The following PLEKHA1 variants were observed in gnomAD, a reference collection of about 807,000 sequenced individuals.
The protein encoded by PLEKHA1 is pleckstrin homology domain-containing family A member 1.
A neutral mutation model predicts 52.0 loss-of-function variants in PLEKHA1; 34 were observed. The ratio of observed to expected loss-of-function variants is 0.65; its 90% CI spans 0.50 to 0.87. The LOEUF is 0.87. Among genes scored for constraint, PLEKHA1 ranks in the 40% least tolerant of loss-of-function variants. The probability of loss-of-function intolerance (pLI) is 0.00; values close to 1 mark genes in which losing one functional copy is unlikely to be tolerated. For synonymous variants in PLEKHA1, 163 were observed against 170.7 expected (o/e 0.95, Z 0.35); for missense variants, 497 against 504.2 (o/e 0.99, Z 0.14).
intron 5 of PLEKHA1, chr10:122,411,946 A>G (rs995762352): frequency 2.6e-5 from 4 of 152,212 alleles, no homozygotes; most frequent in African/African-American, 9.6e-5. Flanking sequence ...GAGAAGACTA[A>G]ATCATGTTCA....
intron 4 of PLEKHA1, among the ~76,000 whole-genome samples, chr10:122,403,717 A>T (rs1285279842): frequency 6.6e-6 from 1 of 150,636 alleles, no homozygotes; most frequent in African/African-American, 2.4e-5. Flanking sequence ...TTCTTTTGAG[A>T]TGGAGCCTCA....
chr10:122,439,814 G>A, the PLEKHA1 span: 2 of 152,142 alleles, frequency 1.3e-5, no homozygotes, highest in Non-Finnish European at 2.9e-5. Flanking sequence ...TCTCAACCTG[G>A]TGCTCTTTTG....
chr10:122,410,212 G>A (rs1023758059), intron 5 of PLEKHA1, among the ~76,000 whole-genome samples: 2 of 152,102 alleles, frequency 1.3e-5, no homozygotes, highest in Non-Finnish European at 2.9e-5. Flanking sequence ...TTATTCTCTA[G>A]TTATTTTTAC....
At chr10:122,401,051 T>TA (rs2096920912) in intron 4 of PLEKHA1, among the ~76,000 whole-genome samples, 1 of 152,134 alleles carries the variant, frequency 6.6e-6, no homozygotes, top group Non-Finnish European at 1.5e-5. Flanking sequence ...AGGAGATGCT[T>TA]ACGTTGGTGG....
At chr10:122,397,524 TA>T (rs1486191754) in intron 2 of PLEKHA1, among the ~76,000 whole-genome samples, 2 of 152,120 alleles carry the variant, frequency 1.3e-5, no homozygotes, top group African/African-American at 2.4e-5. Flanking sequence ...GAAATTTTAA[TA>T]GAACAAAGTA....
At chr10:122,386,663 C>T (rs1025845726) in intron 1 of PLEKHA1, 43 of 152,106 alleles carry the variant, frequency 2.8e-4, no homozygotes, top group African/African-American at 1.0e-3. Flanking sequence ...CATAGACAGT[C>T]GATTATTCCA....
At chr10:122,383,313 G>GTTTTTTTTTTTCTTTTT (rs2096640908) in intron 1 of PLEKHA1, among the ~76,000 whole-genome samples, 1 of 128,390 alleles carries the variant, frequency 7.8e-6, no homozygotes, top group African/African-American at 2.9e-5. Flanking sequence ...CTTTCTTTCT[G>GTTTTTTTTTTTCTTTTT]TTTTTTTTTT....
chr10:122,420,718 C>T (rs2097248626), intron 8 of PLEKHA1: 1 of 152,196 alleles, frequency 6.6e-6, no homozygotes, highest in Non-Finnish European at 1.5e-5. Flanking sequence ...TTCCTTCCAT[C>T]AATCTGAAAT....
chr10:122,417,316 G>C (rs2097191075), intron 7 of PLEKHA1, among the ~76,000 whole-genome samples: 1 of 151,544 alleles, frequency 6.6e-6, no homozygotes, highest in African/African-American at 2.4e-5. Context: ...TAGGAGGAAG[G>C]GGAAGTGCTT....
intron 1 of PLEKHA1, among the ~76,000 whole-genome samples, chr10:122,391,869 T>G (rs2133978037): frequency 6.6e-6 from 1 of 152,318 alleles, no homozygotes; most frequent in South Asian, 2.1e-4. Context: ...TTTTGGTGTA[T>G]TTTATCATTT....
At position 122,412,763 on chromosome 10, in the gene PLEKHA1, T is replaced by A. The variant is rs2097125134; in HGVS notation, c.343-157T>A. 5.9e-6 allele frequency: 4 copies of A among 679,178 alleles called. No individual in the cohort carries two copies. The African/African-American group carries it at 7.2e-5, about 12-fold the overall frequency. The allele number at this position is 679,178 out of a possible 1,614,324, so 42.1% of individuals were successfully genotyped here. A position where few individuals can be genotyped will look rare whatever the true frequency, so the allele number is the denominator to read the frequency against. Reference sequence around the variant, plus strand: ...ATAAAATATTATTCTAACAGAAAAATTAGTGTGATAACTTAAGGAGTACAT... The same window carrying A: ...ATAAAATATTATTCTAACAGAAAAAATAGTGTGATAACTTAAGGAGTACAT... On this transcript the variant is annotated intron_variant, in intron 5 of 11. Transcript: ENST00000368990.
chr10:122,398,080 C>A, intron 3 of PLEKHA1, 106 bp downstream of exon 3: 1 of 844,808 alleles, frequency 1.2e-6, no homozygotes, highest in South Asian at 1.8e-5. Context: ...CAGTGATGTT[C>A]AGATTCCTAT....
At chr10:122,375,870 TAAG>T (rs2096527203) in intron 1 of PLEKHA1, among the ~76,000 whole-genome samples, 1 of 152,232 alleles carries the variant, frequency 6.6e-6, no homozygotes, top group African/African-American at 2.4e-5. Flanking sequence ...GTTGTTTTAA[TAAG>T]ATTTTCTTTG....
downstream of PLEKHA1, chr10:122,434,725 C>G (rs1373205516): frequency 1.7e-5 from 2 of 120,320 alleles, no homozygotes; most frequent in Non-Finnish European, 3.5e-5. Context: ...CCCCTCCCCC[C>G]ACCCCCCAAC....
rs527992237 is a variant in PLEKHA1, at chr10:122,385,847, G to C, written c.-20-7334G>C. On this transcript the variant is annotated intron_variant, in intron 1 of 11. Transcript: ENST00000368990. Reference sequence around the variant, plus strand: ...TTATTTTGCCAAGTAATATTTTATTGTATTGGATGCACCACATTTTGTTTA... The same window carrying C: ...TTATTTTGCCAAGTAATATTTTATTCTATTGGATGCACCACATTTTGTTTA... Among the ~76,000 whole-genome samples, 3 of 152,222 alleles carry C rather than the reference G, an allele frequency of 2.0e-5. No homozygotes were observed. The South Asian group carries it at 6.2e-4, about 32-fold the overall frequency.
chr10:122,428,433 A>G lies in PLEKHA1; in HGVS notation c.901-1191A>G, dbSNP rs1256565020. On this transcript the variant is annotated intron_variant, in intron 11 of 11. Transcript: ENST00000368990. Reference sequence around the variant, plus strand: ...CTGATCATAGAAAGTTGAGTTAACCAAACTGCCTTTTGCAGTTATCATAAC... The same window carrying G: ...CTGATCATAGAAAGTTGAGTTAACCGAACTGCCTTTTGCAGTTATCATAAC... The G allele has an allele frequency of 3.5e-6, 5 of 1,435,262 alleles. No individual in the cohort carries two copies. In the African/African-American group the frequency reaches 7.1e-5, roughly 20 times the overall value. The allele number at this position is 1,435,262 out of a possible 1,614,324, so 88.9% of individuals were successfully genotyped here. A position where few individuals can be genotyped will look rare whatever the true frequency, so the allele number is the denominator to read the frequency against.
chr10:122,397,710 A>G (rs546815689), intron 2 of PLEKHA1, among the ~76,000 whole-genome samples: 1 of 152,240 alleles, frequency 6.6e-6, no homozygotes, highest in South Asian at 2.1e-4. Flanking sequence ...ATGCATGATA[A>G]TGGAACAGAG....
At chr10:122,427,911 C>A (rs2097363491) in intron 11 of PLEKHA1, among the ~76,000 whole-genome samples, 1 of 152,094 alleles carries the variant, frequency 6.6e-6, no homozygotes, top group Admixed American at 6.5e-5. Context: ...ATAATACCGC[C>A]TTTTATTAGT....
downstream of PLEKHA1, chr10:122,433,435 T>G (rs898402742): frequency 2.6e-5 from 4 of 152,260 alleles, no homozygotes; most frequent in African/African-American, 4.8e-5. Flanking sequence ...GTGCCCAGGG[T>G]GTAGCTAGAG....
Sources: gnomAD v4.1 joint callset for allele counts (sites outside exome capture counted in the v4.1 genomes callset) on GRCh38, gnomAD v4.1.1 for gene constraint, MANE v1.5 for transcripts, NCBI Gene and HGNC (gene_info 2026-07-23, HGNC 2026-07-21) for gene names.